Variants in MAP2K4 observed in about 807,000 individuals in gnomAD.
MAP2K4 encodes the protein mitogen-activated protein kinase kinase 4.
In MAP2K4, 4 loss-of-function variants were observed where a neutral mutation model predicts 48.5. The ratio of observed to expected loss-of-function variants is 0.08; its 90% CI spans 0.04 to 0.19. MAP2K4 has a LOEUF of 0.19. Ranked by LOEUF, MAP2K4 falls within the 10% of genes least tolerant of loss-of-function variation. MAP2K4 has a pLI of 1.00. For synonymous variants in MAP2K4, 166 were observed against 173.1 expected (o/e 0.96, Z 0.32); for missense variants, 258 against 493.3 (o/e 0.52, Z 4.52).
intron 2 of MAP2K4, among the ~76,000 whole-genome samples, chr17:12,070,777 G>T (rs937095578): frequency 6.6e-6 from 1 of 152,188 alleles, no homozygotes; most frequent in African/African-American, 2.4e-5. Flanking sequence ...CTAGTGGCTT[G>T]CAAAGCCTAA....
intron 3 of MAP2K4, among the ~76,000 whole-genome samples, chr17:12,090,759 G>T (rs1267611505): frequency 6.6e-6 from 1 of 152,200 alleles, no homozygotes; most frequent in African/African-American, 2.4e-5. Flanking sequence ...ATCTGAGTAA[G>T]AAGGGAATAA....
chr17:12,113,446 T>G, intron 7 of MAP2K4, 86 bp downstream of exon 7: 2 of 1,484,226 alleles, frequency 1.3e-6, no homozygotes, highest in Non-Finnish European at 1.8e-6. Flanking sequence ...GTCATACGGT[T>G]TTACCATGAA....
At chr17:12,079,209 G>T (rs1214957957) in intron 2 of MAP2K4, among the ~76,000 whole-genome samples, 1 of 152,148 alleles carries the variant, frequency 6.6e-6, no homozygotes, top group Non-Finnish European at 1.5e-5. Context: ...GCCCAAGTAG[G>T]TACCCTGTAT....
chr17:12,072,816 C>T (rs34188883), intron 2 of MAP2K4, among the ~76,000 whole-genome samples: 25,594 of 152,068 alleles, frequency 0.17, 2,528 homozygotes, highest in South Asian at 0.3. Flanking sequence ...CTTTTCTCAT[C>T]GACATGTTTA....
At chr17:12,066,381 A>G (rs1970617255) in intron 2 of MAP2K4, among the ~76,000 whole-genome samples, 1 of 152,230 alleles carries the variant, frequency 6.6e-6, no homozygotes, top group African/African-American at 2.4e-5. Flanking sequence ...GTCAGAATAC[A>G]TAATTTATAT....
chr17:12,037,174 A>G (rs1969628763), intron 1 of MAP2K4, among the ~76,000 whole-genome samples: 1 of 152,166 alleles, frequency 6.6e-6, no homozygotes, highest in South Asian at 2.1e-4. Context: ...GGCACTGCAC[A>G]TCAGTATATT....
chr17:12,115,599 G>T (rs1972464352), intron 7 of MAP2K4: 2 of 725,144 alleles, frequency 2.8e-6, no homozygotes, highest in Non-Finnish European at 2.6e-6. Context: ...GATGAAGTGA[G>T]CAAATTGTAA....
intron 1 of MAP2K4, among the ~76,000 whole-genome samples, chr17:12,031,421 A>G (rs974966369): frequency 1.3e-5 from 2 of 152,238 alleles, no homozygotes; most frequent in South Asian, 2.1e-4. Flanking sequence ...TACTTCCTTC[A>G]TTTTGTTCCC....
chr17:12,066,149 T>A (rs1401356081), intron 2 of MAP2K4, among the ~76,000 whole-genome samples: 4 of 151,034 alleles, frequency 2.6e-5, no homozygotes, highest in Admixed American at 6.6e-5. Context: ...TTTTTTTTTT[T>A]AATACAGAGA....
intron 1 of MAP2K4, among the ~76,000 whole-genome samples, chr17:12,051,312 C>T (rs1223025388): frequency 1.3e-5 from 2 of 152,148 alleles, no homozygotes; most frequent in African/African-American, 2.4e-5. Flanking sequence ...TTACTCCAGC[C>T]AATAACCATA....
chr17:12,065,985 G>C (rs560946486), intron 2 of MAP2K4, among the ~76,000 whole-genome samples: 2 of 152,080 alleles, frequency 1.3e-5, no homozygotes, highest in Non-Finnish European at 2.9e-5. Flanking sequence ...TTTTAAGAAG[G>C]TTATCAAGTT....
intron 4 of MAP2K4, among the ~76,000 whole-genome samples, chr17:12,104,584 T>TA (rs1215183471): frequency 6.6e-6 from 1 of 152,166 alleles, no homozygotes; most frequent in African/African-American, 2.4e-5. Context: ...TTGCCTTTGA[T>TA]ATAATTCTAC....
At chr17:12,052,796 C>A (rs1970182279) in intron 1 of MAP2K4, among the ~76,000 whole-genome samples, 1 of 152,064 alleles carries the variant, frequency 6.6e-6, no homozygotes, top group Admixed American at 6.6e-5. Context: ...AAACGATTTG[C>A]CATATTAAGG....
intron 10 of MAP2K4, among the ~76,000 whole-genome samples, chr17:12,140,733 T>A (rs1404974182): frequency 6.6e-6 from 1 of 152,084 alleles, no homozygotes; most frequent in Admixed American, 6.5e-5. Flanking sequence ...ATAGGAGAAA[T>A]GGAGGTTGAG....
At chr17:12,071,678 G>A (rs1212271296) in intron 2 of MAP2K4, among the ~76,000 whole-genome samples, 3 of 152,064 alleles carry the variant, frequency 2.0e-5, no homozygotes, top group Non-Finnish European at 4.4e-5. Context: ...ATGGCTCATC[G>A]CTAAATTACG....
Position 12,049,791 on chromosome 17 carries a change from A to G in MAP2K4, c.116-5098A>G, listed in dbSNP as rs79990821. ...TTCAAAAGGTAGGGAAATAGACCTCACCTATTTATGGAAGGAGCAGCAAGG... is the reference window on the plus strand; with the variant it reads ...TTCAAAAGGTAGGGAAATAGACCTCGCCTATTTATGGAAGGAGCAGCAAGG... On this transcript the variant is annotated intron_variant, in intron 1 of 10. Transcript: ENST00000353533. 8.9e-3 allele frequency among the ~76,000 whole-genome samples: 1,354 copies of G among 152,300 alleles called. 21 individuals carry two copies. The highest frequency in any genetic ancestry group is 0.031 in the African/African-American group (1,296 of 41,572).
intron 1 of MAP2K4, among the ~76,000 whole-genome samples, chr17:12,051,069 C>T (rs1970127318): frequency 6.6e-6 from 1 of 152,196 alleles, no homozygotes; most frequent in Non-Finnish European, 1.5e-5. Flanking sequence ...TTGTTGCCCT[C>T]AGCCTTGGAG....
chr17:12,021,166 C>T (rs1251707872), intron 1 of MAP2K4, among the ~76,000 whole-genome samples, 165 bp downstream of exon 1: 1 of 151,644 alleles, frequency 6.6e-6, no homozygotes, highest in African/African-American at 2.4e-5. Context: ...CGGCCGCCTC[C>T]GGCCCGGCTT....
At chr17:12,085,599 G>T (rs11653721) in intron 3 of MAP2K4, among the ~76,000 whole-genome samples, 33,830 of 151,726 alleles carry the variant, frequency 0.22, 3,959 homozygotes, top group Middle Eastern at 0.26. Context: ...CTGTTTCATT[G>T]ATGTGAGTCT....
Sources: allele counts gnomAD v4.1 joint callset (sites outside exome capture counted in the v4.1 genomes callset), GRCh38; gene constraint gnomAD v4.1.1; transcripts MANE v1.5; gene names NCBI Gene and HGNC (gene_info 2026-07-23, HGNC 2026-07-21).